TTN: variants seen among roughly 807,000 people sequenced by gnomAD.
TTN encodes the protein titin, also known as connectin.
A neutral mutation model predicts 3,223.0 loss-of-function variants in TTN; 1,525 were observed. The observed-to-expected ratio is 0.47, with a 90% CI of 0.45 to 0.49. The LOEUF is 0.49. Ranked by LOEUF, TTN falls within the 20% of genes least tolerant of loss-of-function variation. The probability of loss-of-function intolerance (pLI) is 0.00; values close to 1 mark genes in which losing one functional copy is unlikely to be tolerated. For synonymous variants in TTN, 14,094 were observed against 15,161.0 expected (o/e 0.93, Z 5.17); for missense variants, 40,786 against 43,424.0 (o/e 0.94, Z 5.40).
Position 178,715,552 on chromosome 2 carries a change from G to A in TTN, c.25862C>T (p.Thr8621Ile). 1 of 1,613,606 alleles carries A rather than the reference G, an allele frequency of 6.2e-7. No individual in the cohort carries two copies. Among genetic ancestry groups the A allele is most frequent in the Non-Finnish European group, 8.5e-7 (1 of 1,179,644 alleles). The change falls in exon 89 of 363, where the codon ACC becomes ATC. Residue 8621 changes from threonine (T) to isoleucine (I), a missense_variant. Physicochemically the swap from Thr to Ile is moderately conservative, Grantham distance 89. Coordinates refer to ENST00000589042, the MANE Select transcript of TTN (RefSeq NM_001267550.2). Reference protein sequence around the residue: ...NLSVEDSGDYTCEAHNAAGSA... With the variant: ...NLSVEDSGDYICEAHNAAGSA... ...GCCTGCTGCATTGTGGGCCTCACAG[G>A]TGTAGTCTCCACTGTCTTCAACACT...
intron 149 of TTN, among the ~76,000 whole-genome samples, chr2:178,675,453 T>C (rs1042835644): frequency 1.3e-5 from 2 of 151,804 alleles, no homozygotes; most frequent in Non-Finnish European, 2.9e-5. Flanking sequence ...GATATATTTT[T>C]ATTTTTTAGA....
Position 178,718,120 on chromosome 2 carries a change from A to G in TTN, c.24886T>C (p.Ser8296Pro). ...KVDGTPEIRI[S>P]WYKEHTKLRS... ...AGCTTTGTGTGTTCTTTATACCAAGAAATTCTAATTTCTGGAGTTCCATCC... is the reference window on the plus strand; with the variant it reads ...AGCTTTGTGTGTTCTTTATACCAAGGAATTCTAATTTCTGGAGTTCCATCC... The change falls in exon 86 of 363, where the codon TCT (serine) becomes CCT (proline). Residue 8296 changes from serine to proline, a missense_variant. Ser to Pro is a moderately conservative substitution (Grantham distance 74). Transcript: ENST00000589042. The G allele has an allele frequency of 6.2e-7, 1 of 1,611,700 alleles. No individual in the cohort carries two copies. Among genetic ancestry groups the G allele is most frequent in the Non-Finnish European group, 8.5e-7 (1 of 1,179,684 alleles).
In TTN at chr2:178,694,890, T is replaced by G. The variant is rs745458133; in HGVS notation, c.31287A>C (p.Val10429=). The stretch of plus-strand genomic sequence containing the variant: ...GAGAAGTCTTTTCAATTTTTTCAAT[T>G]ACTGGCTTCTTTATAACTGCAAGCA... ...PPPPKVIKKP[V]IEKIEKTSRR... The change falls in exon 116 of 363, where the codon GTA becomes GTC. Residue 10429 remains valine, a synonymous_variant. Coordinates refer to ENST00000589042, the MANE Select transcript of TTN (RefSeq NM_001267550.2). 1 of 1,554,936 alleles carries G rather than the reference T, an allele frequency of 6.4e-7. No homozygotes were observed. Among genetic ancestry groups the G allele is most frequent in the African/African-American group, 1.4e-5 (1 of 73,458 alleles).
rs1272552205 is a variant in TTN at position 178,741,722 on chromosome 2, A to G, written c.11511T>C (p.Ala3837=). The G allele has an allele frequency of 1.2e-6, 2 of 1,613,764 alleles. No homozygotes were observed. Among genetic ancestry groups the G allele is most frequent in the East Asian group, 2.2e-5 (1 of 44,848 alleles). The part of the protein sequence containing the change: ...SNADISMGDV[A]TLSVTVIGIP... ...TGCCAATGACAGTTACAGACAGTGT[A>G]GCCACATCCCCCATGCTTATATCAG... Residue 3837 remains alanine, a synonymous_variant, in exon 48 of 363, where the codon GCT becomes GCC. Coordinates refer to ENST00000589042, the MANE Select transcript of TTN (RefSeq NM_001267550.2).
At chr2:178,641,496 G>T in intron 219 of TTN, 181 bp from the exon 220 acceptor site, 1 of 418,790 alleles carries the variant, frequency 2.4e-6, no homozygotes, top group Non-Finnish European at 4.2e-6. Flanking sequence ...TAAAATCAAA[G>T]GTTGTCAATT....
In TTN at chr2:178,569,296, T is replaced by G; in HGVS notation, c.76836A>C (p.Glu25612Asp). ...TAATTGATACTGAGTCTTTGGTGAT[T>G]TCTGTGACTTTCAGGTTAACAGGTG... Reference protein sequence around the residue: ...PSPPVNLKVTEITKDSVSITW... With the variant: ...PSPPVNLKVTDITKDSVSITW... The change falls in exon 326 of 363, where the codon GAA becomes GAC. Residue 25612 changes from glutamate (E) to aspartate (D), a missense_variant. Transcript: ENST00000589042. The G allele has an allele frequency of 6.2e-7, 1 of 1,611,174 alleles. No individual in the cohort carries two copies. The highest frequency in any genetic ancestry group is 8.5e-7 in the Non-Finnish European group (1 of 1,178,338).
chr2:178,696,383 ATT>A, intron 113 of TTN, 114 bp from the exon 114 acceptor site: 1 of 975,530 alleles, frequency 1.0e-6, no homozygotes, highest in Non-Finnish European at 1.4e-6. Flanking sequence ...TTTATTGATA[ATT>A]TGTTTTTTTT....
rs771614873 is a variant in TTN at position 178,683,898 on chromosome 2, T to C, written c.32806+101A>G. ...TAACAAACTTATATTGCTTACTTTA[T>C]ACTATGTCTTTTTTTTTCTAATGGA... On this transcript the variant is annotated intron_variant, in intron 133 of 362. Transcript: ENST00000589042. 1.5e-5 allele frequency: 13 copies of C among 838,854 alleles called. No individual in the cohort carries two copies. The South Asian group carries it at 3.0e-4, about 19-fold the overall frequency. The allele number at this position is 838,854 out of a possible 1,614,324, so 52.0% of individuals were successfully genotyped here. A position where few individuals can be genotyped will look rare whatever the true frequency, so the allele number is the denominator to read the frequency against.
intron 214 of TTN, 95 bp from the exon 215 acceptor site, chr2:178,647,239 C>G (rs1361156569): frequency 2.5e-6 from 3 of 1,185,548 alleles, no homozygotes; most frequent in Non-Finnish European, 3.5e-6. Flanking sequence ...TTAAGTAACA[C>G]TCTATAACAG....
intron 37 of TTN, 22 bp downstream of exon 37, chr2:178,769,656 TA>T: frequency 1.3e-6 from 2 of 1,535,300 alleles, no homozygotes; most frequent in Non-Finnish European, 1.8e-6. Context: ...TGTGTATATA[TA>T]TATATATATT....
rs748022439 is a variant in TTN, at chr2:178,590,771, C to T, written c.60954G>A (p.Val20318=). Reference sequence around the variant, plus strand: ...CAGCGATAGGTGTTTTGTTGACCCTCACCCATTTGCCAGTTACTTCTCGAC... The same window carrying T: ...CAGCGATAGGTGTTTTGTTGACCCTTACCCATTTGCCAGTTACTTCTCGAC... The part of the protein sequence containing the change: ...MERREVTGKW[V]RVNKTPIADL... Residue 20318 remains valine, a synonymous_variant, in exon 304 of 363, where the codon GTG becomes GTA. Coordinates refer to ENST00000589042, the MANE Select transcript of TTN (RefSeq NM_001267550.2). 3.7e-6 allele frequency: 6 copies of T among 1,607,302 alleles called. No individual in the cohort carries two copies. In the African/African-American group the frequency reaches 6.7e-5, roughly 18 times the overall value.
chr2:178,734,925 C>G lies in TTN; in HGVS notation c.14999G>C (p.Arg5000Pro). 1.2e-6 allele frequency: 2 copies of G among 1,611,286 alleles called. No individual in the cohort carries two copies. The highest frequency in any genetic ancestry group is 1.7e-6 in the Non-Finnish European group (2 of 1,178,460). ...TGAGCCTTTCAGCTTGCAATGGAGG[C>G]GTGCTGATTCACCTGGGAGCATTAA... ...SYLMLPGESA[R>P]LHCKLKGSPV... The change falls in exon 51 of 363, where the codon CGC (arginine) becomes CCC (proline). Residue 5000 changes from arginine to proline, a missense_variant. Arg to Pro is a moderately radical substitution (Grantham distance 103). Transcript: ENST00000589042.
rs1440558107 is a variant in TTN at position 178,574,942 on chromosome 2, A to G, written c.71190T>C (p.Pro23730=). ...TIQVHDIPGP[P]TGPIKFDEVS... ...CTTCATCAAATTTGATTGGTCCAGT[A>G]GGTGGCCCTGGGATATCATGGACTT... Residue 23730 remains proline, a synonymous_variant, in exon 326 of 363, where the codon CCT becomes CCC. Coordinates refer to ENST00000589042, the MANE Select transcript of TTN (RefSeq NM_001267550.2). The G allele has an allele frequency of 1.2e-6, 2 of 1,613,004 alleles. No individual in the cohort carries two copies. Among genetic ancestry groups the G allele is most frequent in the Admixed American group, 3.3e-5 (2 of 59,942 alleles).
In TTN at chr2:178,549,657, C is replaced by G; in HGVS notation, c.92065G>C (p.Glu30689Gln). Residue 30689 changes from glutamate (E) to glutamine (Q), a missense_variant, in exon 338 of 363, where the codon GAA becomes CAA. Coordinates refer to ENST00000589042, the MANE Select transcript of TTN (RefSeq NM_001267550.2). ...ACTGCAGAAACACGGAATTGGTATT[C>G]ATTGCCGTTTATTAGTTTAATGGCA... ...YTAIKLINGNEYQFRVSAVNK... is the reference protein window; with the variant it reads ...YTAIKLINGNQYQFRVSAVNK... 1.2e-6 allele frequency: 2 copies of G among 1,613,838 alleles called. No homozygotes were observed. The highest frequency in any genetic ancestry group is 8.5e-7 in the Non-Finnish European group (1 of 1,179,782).
Position 178,740,683 on chromosome 2 carries a change from T to C in TTN, c.12550A>G (p.Ile4184Val). The C allele has an allele frequency of 6.2e-7, 1 of 1,613,824 alleles. No individual in the cohort carries two copies. The highest frequency in any genetic ancestry group is 8.5e-7 in the Non-Finnish European group (1 of 1,179,806). ...TCTATGGACATGGCACTTGGGAAGA[T>C]TTTCTCGGTATCTGATAGAACTGCC... ...TQAVLSDTEK[I>V]FPSAMSIEQI... The change falls in exon 48 of 363, where the codon ATC (isoleucine) becomes GTC (valine). Residue 4184 changes from isoleucine to valine, a missense_variant. Ile to Val is a conservative substitution (Grantham distance 29). Coordinates refer to ENST00000589042, the MANE Select transcript of TTN (RefSeq NM_001267550.2).
Position 178,614,054 on chromosome 2 carries a change from A to C in TTN, c.49343T>G (p.Phe16448Cys). ...TATCAGCTGATTGAGAAACTTACCA[A>C]ACTGATATTTGGCTGTTATTGGAGA... Reference protein sequence around the residue: ...QASPITAKYQFDPPGPPTRLE... With the variant: ...QASPITAKYQCDPPGPPTRLE... The change falls in exon 262 of 363, where the codon TTT becomes TGT. Residue 16448 changes from phenylalanine to cysteine, a missense_variant and splice_region_variant. Phe to Cys is a radical substitution (Grantham distance 205, BLOSUM62 -2). Transcript: ENST00000589042. 1.2e-6 allele frequency: 2 copies of C among 1,611,528 alleles called. No individual in the cohort carries two copies. Among genetic ancestry groups the C allele is most frequent in the Non-Finnish European group, 1.7e-6 (2 of 1,179,032 alleles).
At position 178,636,470 on chromosome 2, in the gene TTN, C is replaced by A; in HGVS notation, c.41257G>T (p.Ala13753Ser). 2 of 1,613,306 alleles carry A rather than the reference C, an allele frequency of 1.2e-6. No individual in the cohort carries two copies. The highest frequency in any genetic ancestry group is 1.7e-6 in the Non-Finnish European group (2 of 1,179,544). The change falls in exon 225 of 363, where the codon GCT becomes TCT. Residue 13753 changes from alanine (A) to serine (S), a missense_variant. Physicochemically the swap from Ala to Ser is moderately conservative, Grantham distance 99. Coordinates refer to ENST00000589042, the MANE Select transcript of TTN (RefSeq NM_001267550.2). This position sits in a 1 kb window ranked among gnomAD's most constrained non-coding sequence, Gnocchi z 4.3. ...CGTAAAACACAGGTGTATTCACCAG[C>A]ATCGGAAAGTTGAACATCAATGATG... Reference protein sequence around the residue: ...LHIIDVQLSDAGEYTCVLRLG... With the variant: ...LHIIDVQLSDSGEYTCVLRLG...
chr2:178,560,442 T>C lies in TTN; in HGVS notation c.85690A>G (p.Lys28564Glu), dbSNP rs755352127. Residue 28564 changes from lysine (K) to glutamate (E), a missense_variant, in exon 326 of 363, where the codon AAA becomes GAA. By Grantham distance (56) the Lys-to-Glu change is moderately conservative (BLOSUM62 1). Transcript: ENST00000589042. Reference protein sequence around the residue: ...PTSLEITSVTKESMTLCWSRP... With the variant: ...PTSLEITSVTEESMTLCWSRP... ...GACCAGCAAAGTGTCATAGATTCTT[T>C]GGTCACAGAAGTAATTTCCAAAGAC... 7.4e-6 allele frequency: 12 copies of C among 1,613,650 alleles called. No individual in the cohort carries two copies. In the Admixed American group the frequency reaches 2.0e-4, roughly 27 times the overall value.
Position 178,723,589 on chromosome 2 carries a change from A to G in TTN, c.21511T>C (p.Phe7171Leu). The G allele has an allele frequency of 1.2e-6, 2 of 1,613,308 alleles. No individual in the cohort carries two copies. Among genetic ancestry groups the G allele is most frequent in the Non-Finnish European group, 1.7e-6 (2 of 1,179,578 alleles). The change falls in exon 74 of 363, where the codon TTC becomes CTC. Residue 7171 changes from phenylalanine to leucine, a missense_variant. Physicochemically the swap from Phe to Leu is conservative, Grantham distance 22 (BLOSUM62 0). Transcript: ENST00000589042. ...RGTPPFKVNW[F>L]RGARELVKGD... Reference sequence around the variant, plus strand: ...TTCACTAGTTCTCTGGCACCTCTGAACCAGTTGACTTTGAATGGAGGGGTT... The same window carrying G: ...TTCACTAGTTCTCTGGCACCTCTGAGCCAGTTGACTTTGAATGGAGGGGTT...
Sources: gnomAD v4.1 joint callset for allele counts (sites outside exome capture counted in the v4.1 genomes callset) on GRCh38, gnomAD v4.1.1 for gene constraint, Gnocchi (gnomAD v3.1) non-coding constraint, MANE v1.5 for transcripts, NCBI Gene and HGNC (gene_info 2026-07-23, HGNC 2026-07-21) for gene names.